PACSIN2: variants seen among roughly 807,000 people sequenced by gnomAD.
PACSIN2 encodes the protein protein kinase C and casein kinase substrate in neurons protein 2.
A neutral mutation model predicts 63.8 loss-of-function variants in PACSIN2; 25 were observed. The ratio of observed to expected loss-of-function variants is 0.39; its 90% CI spans 0.29 to 0.55. PACSIN2 has a LOEUF of 0.55. Ranked by LOEUF, PACSIN2 falls within the 20% of genes least tolerant of loss-of-function variation. The pLI is 0.62. For synonymous variants in PACSIN2, 255 were observed against 256.2 expected (o/e 1.00, Z 0.05); for missense variants, 518 against 646.9 (o/e 0.80, Z 2.16).
At chr22:42,907,322 T>C (rs1371685815) in intron 2 of PACSIN2, among the ~76,000 whole-genome samples, 1 of 152,238 alleles carries the variant, frequency 6.6e-6, no homozygotes, top group Admixed American at 6.5e-5. Context: ...CTTTTCTAGA[T>C]GGGCTATCTG....
At chr22:42,891,986 G>C (rs1381052934) in intron 3 of PACSIN2, among the ~76,000 whole-genome samples, 1 of 152,188 alleles carries the variant, frequency 6.6e-6, no homozygotes, top group East Asian at 1.9e-4. Flanking sequence ...ACAAGCTTGA[G>C]AACACTGTGG....
At chr22:43,003,528 A>G (rs1034270695) in intron 1 of PACSIN2, among the ~76,000 whole-genome samples, 2 of 152,254 alleles carry the variant, frequency 1.3e-5, no homozygotes, top group Admixed American at 1.3e-4. Flanking sequence ...GTGTGAACCC[A>G]GGAGGCGGAG....
chr22:42,951,323 A>G (rs892239171), intron 1 of PACSIN2, among the ~76,000 whole-genome samples: 20 of 152,108 alleles, frequency 1.3e-4, no homozygotes, highest in African/African-American at 4.8e-4. Flanking sequence ...TGGTGCCCTT[A>G]TCACCCTGTG....
intron 2 of PACSIN2, among the ~76,000 whole-genome samples, chr22:42,907,081 G>A (rs1803954641): frequency 6.6e-6 from 1 of 152,194 alleles, no homozygotes; most frequent in African/African-American, 2.4e-5. Context: ...TCTGGATGGA[G>A]GAAAGAATCC....
chr22:42,947,209 C>A (rs1933461955), intron 1 of PACSIN2, among the ~76,000 whole-genome samples: 1 of 152,128 alleles, frequency 6.6e-6, no homozygotes, highest in African/African-American at 2.4e-5. Context: ...AAAATAGGGG[C>A]ATTCACAGGC....
chr22:42,992,119 G>A (rs866785027), intron 1 of PACSIN2, among the ~76,000 whole-genome samples: 1 of 152,116 alleles, frequency 6.6e-6, no homozygotes, highest in African/African-American at 2.4e-5. Flanking sequence ...AATTGATCAA[G>A]GAATTGTATC....
At position 42,876,214 on chromosome 22, in the gene PACSIN2, G is replaced by A; in HGVS notation, c.1271C>T (p.Thr424Ile). ...GDSNPFDDDA[T>I]SGTEVRVRAL... ...CCGGACTCGCACTTCCGTCCCCGAG[G>A]TGGCGTCGTCGTCGAATGGATTCGA... The change falls in exon 10 of 11, where the codon ACC becomes ATC. Residue 424 changes from threonine to isoleucine, a missense_variant. By Grantham distance (89) the Thr-to-Ile change is moderately conservative (BLOSUM62 -1). This residue lies in a region of PACSIN2 where 507 missense variants were observed against 612.3 expected (regional missense o/e 0.83). Coordinates refer to ENST00000263246, the MANE Select transcript of PACSIN2 (RefSeq NM_001184970.3). 1 of 1,614,238 alleles carries A rather than the reference G, an allele frequency of 6.2e-7. No individual in the cohort carries two copies. The highest frequency in any genetic ancestry group is 8.5e-7 in the Non-Finnish European group (1 of 1,180,048).
At chr22:43,009,614 C>T (rs966288861) in intron 1 of PACSIN2, among the ~76,000 whole-genome samples, 2 of 152,164 alleles carry the variant, frequency 1.3e-5, no homozygotes, top group Non-Finnish European at 2.9e-5. Context: ...TGTCCCAGAC[C>T]TCAGGGTTGG....
intron 1 of PACSIN2, among the ~76,000 whole-genome samples, chr22:42,933,880 C>A (rs1017618546): frequency 1.3e-5 from 2 of 152,292 alleles, no homozygotes. Flanking sequence ...AAAGTATGAA[C>A]AAGCAGACGA....
intron 2 of PACSIN2, among the ~76,000 whole-genome samples, chr22:42,902,085 G>C (rs766765117): frequency 6.6e-6 from 1 of 152,226 alleles, no homozygotes; most frequent in Non-Finnish European, 1.5e-5. Context: ...GAAGGGCCAC[G>C]AGGCCCTAGG....
At chr22:43,012,175 A>G (rs1225553095) in intron 1 of PACSIN2, among the ~76,000 whole-genome samples, 1 of 144,686 alleles carries the variant, frequency 6.9e-6, no homozygotes, top group African/African-American at 2.6e-5. Flanking sequence ...ACATACATAC[A>G]TACATACATA....
At chr22:42,987,651 C>A (rs1191022025) in intron 1 of PACSIN2, among the ~76,000 whole-genome samples, 1 of 150,020 alleles carries the variant, frequency 6.7e-6, no homozygotes, top group Non-Finnish European at 1.5e-5. Context: ...CCTGCCTCAG[C>A]GTCCCAAGTA....
At chr22:42,887,516 G>A (rs1047456470) in intron 5 of PACSIN2, among the ~76,000 whole-genome samples, 6 of 152,124 alleles carry the variant, frequency 3.9e-5, no homozygotes, top group African/African-American at 1.4e-4. Context: ...TCTTCCTGGA[G>A]TGCAGCCTCT....
chr22:42,983,482 T>TC (rs1922376572), intron 1 of PACSIN2, among the ~76,000 whole-genome samples: 2 of 55,184 alleles, frequency 3.6e-5, no homozygotes, highest in Admixed American at 3.6e-4. Flanking sequence ...AGAGTGAGAC[T>TC]CCATCTCAAA....
chr22:42,975,841 G>T (rs1248666906), intron 1 of PACSIN2, among the ~76,000 whole-genome samples: 2 of 152,094 alleles, frequency 1.3e-5, no homozygotes, highest in Non-Finnish European at 2.9e-5. Context: ...TATTTTACAT[G>T]AATTTTAAGT....
intron 1 of PACSIN2, among the ~76,000 whole-genome samples, chr22:42,968,786 C>T (rs530875010): frequency 6.6e-6 from 1 of 152,316 alleles, no homozygotes; most frequent in South Asian, 2.1e-4. Flanking sequence ...CACCTCCTGC[C>T]TTGGGCCACG....
chr22:42,948,620 G>A (rs1035331946), intron 1 of PACSIN2, among the ~76,000 whole-genome samples: 7 of 152,124 alleles, frequency 4.6e-5, no homozygotes, highest in Non-Finnish European at 1.0e-4. Context: ...CTGTACTCCA[G>A]CCTGGGCAAC....
intron 1 of PACSIN2, among the ~76,000 whole-genome samples, chr22:42,961,988 A>G (rs1196356871): frequency 6.6e-6 from 1 of 152,198 alleles, no homozygotes; most frequent in Non-Finnish European, 1.5e-5. Flanking sequence ...CCACGGCACC[A>G]TCACAGAAGA....
At chr22:42,981,856 C>G (rs1177101584) in intron 1 of PACSIN2, among the ~76,000 whole-genome samples, 1 of 113,848 alleles carries the variant, frequency 8.8e-6, no homozygotes, top group Non-Finnish European at 1.9e-5. Context: ...CCAGCCGCCC[C>G]GTCCGGGAGG....
Sources: gnomAD v4.1 joint callset for allele counts (sites outside exome capture counted in the v4.1 genomes callset) on GRCh38, gnomAD v4.1.1 for gene constraint, gnomAD v4.1.1 regional missense constraint, MANE v1.5 for transcripts, NCBI Gene and HGNC (gene_info 2026-07-23, HGNC 2026-07-21) for gene names.